The following CCSER1 variants were observed in gnomAD, a reference collection of about 807,000 sequenced individuals.
CCSER1 encodes the protein serine-rich coiled-coil domain-containing protein 1.
CCSER1 carries 41 observed loss-of-function variants against 82.0 expected under a neutral mutation model. That is an observed-to-expected ratio of 0.50 (90% CI 0.39 to 0.65). The LOEUF is 0.65. Among genes scored for constraint, CCSER1 ranks in the 30% least tolerant of loss-of-function variants. CCSER1 has a pLI of 0.00. For missense variants in CCSER1, 1,119 were observed against 1,064.2 expected (o/e 1.05, Z -0.72); for synonymous variants, 414 against 383.9 (o/e 1.08, Z -0.92).
rs538181691 is a variant in CCSER1, at chr4:91,200,870, T to A, written c.2217+114876T>A. Among the ~76,000 whole-genome samples the A allele has an allele frequency of 6.6e-5, 10 of 152,200 alleles. No individual in the cohort carries two copies. In the South Asian group the frequency reaches 2.1e-3, roughly 31 times the overall value. On this transcript the variant is annotated intron_variant, in intron 10 of 10. Transcript: ENST00000509176. ...TATTTGATTGTGTTTAATTGTGTAATAAATGATGCATATTTCATAAAGTTA... is the reference window on the plus strand; with the variant it reads ...TATTTGATTGTGTTTAATTGTGTAAAAAATGATGCATATTTCATAAAGTTA...
At chr4:91,024,188 C>T (rs1740282356) in intron 9 of CCSER1, among the ~76,000 whole-genome samples, 1 of 152,136 alleles carries the variant, frequency 6.6e-6, no homozygotes, top group Non-Finnish European at 1.5e-5. Context: ...CCTCTCAATA[C>T]TGCTACATTA....
chr4:90,828,583 A>G (rs1187062311), intron 8 of CCSER1, among the ~76,000 whole-genome samples: 3 of 152,280 alleles, frequency 2.0e-5, no homozygotes, highest in Admixed American at 2.0e-4. Context: ...TAGGACTATT[A>G]TAGTTTCTGT....
chr4:91,328,683 T>G (rs1287106773), intron 10 of CCSER1, among the ~76,000 whole-genome samples: 1 of 152,122 alleles, frequency 6.6e-6, no homozygotes, highest in Non-Finnish European at 1.5e-5. Context: ...AGGGACCCTA[T>G]AAAATAAAAT....
At chr4:90,320,101 A>G (rs1736865912) in intron 3 of CCSER1, among the ~76,000 whole-genome samples, 1 of 152,180 alleles carries the variant, frequency 6.6e-6, no homozygotes, top group Non-Finnish European at 1.5e-5. Flanking sequence ...TAGTTATTTG[A>G]ATGTGTCTCA....
rs556726123 is a variant in CCSER1 at position 91,549,316 on chromosome 4, A to T, written c.2218-49256A>T. Among the ~76,000 whole-genome samples, 17 of 152,034 alleles carry T rather than the reference A, an allele frequency of 1.1e-4. No homozygotes were observed. The East Asian group carries it at 3.3e-3, about 29-fold the overall frequency. ...AGCATATTAATCATAGTTTTATGAA[A>T]TTCATTATTTGTAATTTTAACATTT... On this transcript the variant is annotated intron_variant, in intron 10 of 10. Coordinates refer to ENST00000509176, the MANE Select transcript of CCSER1 (RefSeq NM_001145065.2).
chr4:91,058,275 G>A (rs1479172771), intron 9 of CCSER1, among the ~76,000 whole-genome samples: 2 of 151,610 alleles, frequency 1.3e-5, no homozygotes, highest in Non-Finnish European at 2.9e-5. Context: ...CTCTTTACAT[G>A]GTGTATTACA....
At chr4:90,484,963 A>C (rs1224521083) in intron 5 of CCSER1, among the ~76,000 whole-genome samples, 1 of 152,186 alleles carries the variant, frequency 6.6e-6, no homozygotes, top group Non-Finnish European at 1.5e-5. Context: ...GTCTGTGCCC[A>C]GCCCCTAGAG....
At chr4:90,471,230 T>G (rs1482650730) in intron 5 of CCSER1, among the ~76,000 whole-genome samples, 1 of 152,072 alleles carries the variant, frequency 6.6e-6, no homozygotes, top group Non-Finnish European at 1.5e-5. Flanking sequence ...AACACAGTGG[T>G]TAGGAATCCA....
At chr4:90,970,911 G>C (rs2150398231) in intron 9 of CCSER1, among the ~76,000 whole-genome samples, 1 of 151,562 alleles carries the variant, frequency 6.6e-6, no homozygotes, top group Middle Eastern at 3.4e-3. Context: ...CATGAATACA[G>C]TGAAAAAAAA....
At chr4:90,684,290 C>A (rs1475891732) in intron 6 of CCSER1, among the ~76,000 whole-genome samples, 1 of 151,860 alleles carries the variant, frequency 6.6e-6, no homozygotes, top group Non-Finnish European at 1.5e-5. Context: ...TATTTAACTT[C>A]TTTGAGATGT....
intron 10 of CCSER1, among the ~76,000 whole-genome samples, chr4:91,211,120 C>T (rs1736783953): frequency 1.3e-5 from 2 of 151,900 alleles, no homozygotes; most frequent in South Asian, 2.1e-4. Flanking sequence ...CAAACGAACA[C>T]GGTGGCTGAT....
chr4:90,818,849 G>C lies in CCSER1; in HGVS notation c.2094+3004G>C, dbSNP rs748817606. On this transcript the variant is annotated intron_variant, in intron 8 of 10. Coordinates refer to ENST00000509176, the MANE Select transcript of CCSER1 (RefSeq NM_001145065.2). ...GTCCCCAATGAAATGGTATGTTATA[G>C]AAAAAACATCTATTTATAGATACCC... Among the ~76,000 whole-genome samples, 2 of 151,884 alleles carry C rather than the reference G, an allele frequency of 1.3e-5. 1 individual carries two copies.
intron 6 of CCSER1, among the ~76,000 whole-genome samples, chr4:90,689,427 G>T (rs1157615279): frequency 2.0e-5 from 3 of 151,834 alleles, no homozygotes; most frequent in Non-Finnish European, 4.4e-5. Context: ...ATTAATTGGT[G>T]GTTAAAAATA....
intron 10 of CCSER1, among the ~76,000 whole-genome samples, chr4:91,288,521 T>C (rs1743495276): frequency 6.6e-6 from 1 of 152,004 alleles, no homozygotes; most frequent in Non-Finnish European, 1.5e-5. Flanking sequence ...TTGCACCTGC[T>C]TACAGGCTCT....
At position 91,593,592 on chromosome 4, in the gene CCSER1, G is replaced by A. The variant is rs560693183; in HGVS notation, c.2218-4980G>A. ...CTCCCAAAGTGCTGGGATTACAGGC[G>A]TGAGCCACAGCGCCCAGCCCCCATG... On this transcript the variant is annotated intron_variant, in intron 10 of 10. Coordinates refer to ENST00000509176, the MANE Select transcript of CCSER1 (RefSeq NM_001145065.2). Among the ~76,000 whole-genome samples the A allele has an allele frequency of 1.6e-4, 24 of 150,848 alleles. No homozygotes were observed. The Middle Eastern group carries it at 0.01, about 65-fold the overall frequency.
intron 10 of CCSER1, among the ~76,000 whole-genome samples, chr4:91,539,257 G>C (rs1448811170): frequency 6.6e-6 from 1 of 151,870 alleles, no homozygotes; most frequent in Non-Finnish European, 1.5e-5. Flanking sequence ...TTAATAGCTT[G>C]TGTTTTCAGA....
At chr4:90,386,688 A>T (rs1750112820) in intron 3 of CCSER1, among the ~76,000 whole-genome samples, 1 of 152,216 alleles carries the variant, frequency 6.6e-6, no homozygotes, top group African/African-American at 2.4e-5. Flanking sequence ...AAAAGAAACA[A>T]TCAATGGAGT....
chr4:91,423,057 G>A (rs551753882), intron 10 of CCSER1, among the ~76,000 whole-genome samples: 1 of 152,148 alleles, frequency 6.6e-6, no homozygotes, highest in East Asian at 1.9e-4. Flanking sequence ...GTTTTATATG[G>A]CATGAAAATG....
intron 6 of CCSER1, among the ~76,000 whole-genome samples, chr4:90,691,044 G>A (rs1735726172): frequency 6.6e-6 from 1 of 151,994 alleles, no homozygotes; most frequent in Admixed American, 6.6e-5. Context: ...TGTGTAAGAT[G>A]GTTGCTGTGA....
Sources: gnomAD v4.1 joint callset for allele counts (sites outside exome capture counted in the v4.1 genomes callset) on GRCh38, gnomAD v4.1.1 for gene constraint, MANE v1.5 for transcripts, NCBI Gene and HGNC (gene_info 2026-07-23, HGNC 2026-07-21) for gene names.